MALRD1: variants seen among roughly 807,000 people sequenced by gnomAD.
MALRD1 encodes the protein MAM and LDL receptor class A domain containing 1, also known as MAM and LDL-receptor class A domain-containing protein 1.
MALRD1 carries 247 observed loss-of-function variants against 242.1 expected under a neutral mutation model. That is an observed-to-expected ratio of 1.02 (90% CI 0.92 to 1.13). The LOEUF (loss-of-function observed/expected upper bound fraction) is 1.13. Ranked by LOEUF, MALRD1 falls within the 50% of genes most tolerant of loss-of-function variation. The probability of loss-of-function intolerance (pLI) is 0.00; values close to 1 mark genes in which losing one functional copy is unlikely to be tolerated. For missense variants in MALRD1, 2,989 were observed against 2,533.1 expected, an observed-to-expected ratio of 1.18 and a Z score of -3.86; for synonymous variants, 995 against 866.6, an observed-to-expected ratio of 1.15 and a Z score of -2.60.
chr10:19,125,400 TC>T (rs1293555383), intron 7 of MALRD1, among the ~76,000 whole-genome samples: 1 of 136,586 alleles, frequency 7.3e-6, no homozygotes, highest in African/African-American at 2.8e-5. Context: ...CTTCCTTCCT[TC>T]CATCCATGCT....
chr10:19,114,777 A>G (rs892174679), intron 5 of MALRD1, among the ~76,000 whole-genome samples: 1 of 152,018 alleles, frequency 6.6e-6, no homozygotes, highest in East Asian at 1.9e-4. Context: ...ATAGAAATTT[A>G]TTTTTTCTTG....
In MALRD1 at chr10:19,686,656, C is replaced by G. The variant is rs185009231; in HGVS notation, c.6138-5626C>G. 2.6e-5 allele frequency among the ~76,000 whole-genome samples: 4 copies of G among 152,194 alleles called. No homozygotes were observed. The East Asian group carries it at 7.8e-4, about 30-fold the overall frequency. ...CTGCCTAACCATCACCTGATGGTCA[C>G]CTGGCATTTCTGGTGGAGGGGTGCC... On this transcript the variant is annotated intron_variant, in intron 36 of 39. Coordinates refer to ENST00000454679, the MANE Select transcript of MALRD1 (RefSeq NM_001142308.3).
intron 30 of MALRD1, among the ~76,000 whole-genome samples, chr10:19,494,258 C>G (rs1050918443): frequency 6.6e-6 from 1 of 152,148 alleles, no homozygotes; most frequent in Non-Finnish European, 1.5e-5. Context: ...CCTCTGGAAA[C>G]ATGCAGAAAA....
At chr10:19,295,099 A>G (rs1017379125) in intron 21 of MALRD1, among the ~76,000 whole-genome samples, 1 of 152,090 alleles carries the variant, frequency 6.6e-6, no homozygotes, top group Non-Finnish European at 1.5e-5. Context: ...GTGATAAACA[A>G]TTTTAATCAA....
At chr10:19,263,841 G>T (rs890193788) in intron 19 of MALRD1, among the ~76,000 whole-genome samples, 4 of 152,072 alleles carry the variant, frequency 2.6e-5, no homozygotes, top group Admixed American at 2.0e-4. Flanking sequence ...CTACAGCATT[G>T]TAATATAATT....
intron 23 of MALRD1, among the ~76,000 whole-genome samples, chr10:19,328,069 T>C (rs144642561): frequency 3.0e-4 from 46 of 152,286 alleles, no homozygotes; most frequent in African/African-American, 6.5e-4. Context: ...AACATTATTA[T>C]AGGGAATAGA....
intron 14 of MALRD1, among the ~76,000 whole-genome samples, chr10:19,176,267 T>C (rs1214963484): frequency 6.6e-6 from 1 of 151,908 alleles, no homozygotes; most frequent in African/African-American, 2.4e-5. Flanking sequence ...AAGAAAAATT[T>C]GGGTCACATG....
At chr10:19,378,472 A>G (rs1845699533) in intron 26 of MALRD1, among the ~76,000 whole-genome samples, 1 of 152,198 alleles carries the variant, frequency 6.6e-6, no homozygotes, top group South Asian at 2.1e-4. Flanking sequence ...GTCTTAAGAC[A>G]TGCATAGTTG....
intron 33 of MALRD1, among the ~76,000 whole-genome samples, chr10:19,574,358 T>C (rs141249944): frequency 6.6e-6 from 1 of 152,212 alleles, no homozygotes; most frequent in South Asian, 2.1e-4. Flanking sequence ...GAGAAATATG[T>C]TGAATGAAGA....
At chr10:19,276,818 C>T (rs1246907647) in intron 19 of MALRD1, among the ~76,000 whole-genome samples, 3 of 151,476 alleles carry the variant, frequency 2.0e-5, no homozygotes, top group Non-Finnish European at 4.4e-5. Flanking sequence ...CTGTTAGGAT[C>T]TCCTTTTTTT....
intron 26 of MALRD1, among the ~76,000 whole-genome samples, chr10:19,359,744 C>G (rs953357641): frequency 2.4e-5 from 3 of 125,994 alleles, no homozygotes; most frequent in Non-Finnish European, 4.9e-5. Flanking sequence ...GGAGAGCTGG[C>G]TTTGATGAAG....
intron 32 of MALRD1, among the ~76,000 whole-genome samples, chr10:19,561,223 C>A (rs984706251): frequency 1.6e-4 from 24 of 152,192 alleles, no homozygotes; most frequent in Middle Eastern, 3.4e-3. Flanking sequence ...AAATTTGCTA[C>A]AGTTTGTTTA....
Position 19,205,015 on chromosome 10 carries a change from G to C in MALRD1, c.2328G>C (p.Glu776Asp). 5.8e-6 allele frequency: 9 copies of C among 1,550,850 alleles called. No homozygotes were observed. Among genetic ancestry groups the C allele is most frequent in the Non-Finnish European group, 7.0e-6 (8 of 1,147,018 alleles). ...ACAATCAGGGCAAACAATGGTTGGA[G>C]GCAACCATTCAGCTAGGGCGCCTTT... The part of the protein sequence containing the change: ...VLYNQGKQWL[E>D]ATIQLGRLSQ... The change falls in exon 17 of 40, where the codon GAG becomes GAC. Residue 776 changes from glutamate (E) to aspartate (D), a missense_variant. Coordinates refer to ENST00000454679, the MANE Select transcript of MALRD1 (RefSeq NM_001142308.3).
At chr10:19,533,743 C>G (rs1834530632) in intron 32 of MALRD1, among the ~76,000 whole-genome samples, 1 of 152,082 alleles carries the variant, frequency 6.6e-6, no homozygotes, top group African/African-American at 2.4e-5. Flanking sequence ...CAGATCTGCC[C>G]CCATGACCCA....
intron 19 of MALRD1, among the ~76,000 whole-genome samples, chr10:19,257,980 A>T (rs1372347049): frequency 6.6e-6 from 1 of 152,144 alleles, no homozygotes; most frequent in African/African-American, 2.4e-5. Flanking sequence ...TGTTTGAATC[A>T]CTTATGTCTA....
intron 36 of MALRD1, among the ~76,000 whole-genome samples, chr10:19,621,054 G>A (rs577416221): frequency 6.6e-6 from 1 of 150,646 alleles, no homozygotes; most frequent in South Asian, 2.1e-4. Flanking sequence ...GACAGAAGAG[G>A]GTGCTCTTAA....
At chr10:19,118,336 G>C (rs1836944561) in intron 5 of MALRD1, among the ~76,000 whole-genome samples, 1 of 152,088 alleles carries the variant, frequency 6.6e-6, no homozygotes, top group Non-Finnish European at 1.5e-5. Flanking sequence ...AAGGTGGTTG[G>C]GCTACAAGTT....
chr10:19,505,907 G>C (rs1460893561), intron 31 of MALRD1, among the ~76,000 whole-genome samples: 1 of 152,186 alleles, frequency 6.6e-6, no homozygotes, highest in African/African-American at 2.4e-5. Context: ...ACAATAGGGA[G>C]TGGTTTTGAA....
chr10:19,321,584 T>A (rs1450080060), intron 21 of MALRD1, among the ~76,000 whole-genome samples: 1 of 152,230 alleles, frequency 6.6e-6, no homozygotes, highest in Non-Finnish European at 1.5e-5. Flanking sequence ...TCAGCATACC[T>A]GGGATATTCA....
Sources: gnomAD v4.1 joint callset for allele counts (sites outside exome capture counted in the v4.1 genomes callset) on GRCh38, gnomAD v4.1.1 for gene constraint, MANE v1.5 for transcripts, NCBI Gene and HGNC (gene_info 2026-07-23, HGNC 2026-07-21) for gene names.